The following CELF2 variants were observed in gnomAD, a reference collection of about 807,000 sequenced individuals.
The protein encoded by CELF2 is CUG triplet repeat RNA-binding protein 2.
Under a neutral mutation model 62.6 loss-of-function variants are expected in CELF2, and 8 were observed. The observed-to-expected ratio is 0.13, with a 90% CI of 0.07 to 0.23. The LOEUF (loss-of-function observed/expected upper bound fraction) is 0.23. Ranked by LOEUF, CELF2 falls within the 10% of genes least tolerant of loss-of-function variation. CELF2 has a pLI of 1.00. For missense variants in CELF2, 333 were observed against 671.0 expected (o/e 0.50, Z 5.56); for synonymous variants, 258 against 250.0 (o/e 1.03, Z -0.30).
the CELF2 span, among the ~76,000 whole-genome samples, chr10:10,504,369 A>G: frequency 2.6e-5 from 4 of 152,108 alleles, no homozygotes; most frequent in African/African-American, 7.2e-5. Context: ...TGTTTTCAGT[A>G]TCTGAAAAAT....
At chr10:10,817,798 A>G (rs1265417920) in intron 1 of CELF2, among the ~76,000 whole-genome samples, 1 of 152,202 alleles carries the variant, frequency 6.6e-6, no homozygotes, top group Non-Finnish European at 1.5e-5. Context: ...CAATAACATC[A>G]TTATGTCGTA....
At chr10:11,184,637 AG>A (rs374312755) in intron 2 of CELF2, among the ~76,000 whole-genome samples, 42 of 152,224 alleles carry the variant, frequency 2.8e-4, no homozygotes, top group African/African-American at 1.0e-3. Context: ...ATTTATCCCT[AG>A]GTGTTTTATA....
chr10:10,896,579 G>A (rs1235515922), intron 1 of CELF2, among the ~76,000 whole-genome samples: 1 of 151,818 alleles, frequency 6.6e-6, no homozygotes, highest in African/African-American at 2.4e-5. Flanking sequence ...GAGACACAGA[G>A]GCACAGACAA....
At chr10:11,259,791 A>C (rs2079935880) in intron 5 of CELF2, among the ~76,000 whole-genome samples, 1 of 152,252 alleles carries the variant, frequency 6.6e-6, no homozygotes, top group Admixed American at 6.5e-5. Flanking sequence ...CCACTTAAGC[A>C]GACAAGCCAG....
the CELF2 span, among the ~76,000 whole-genome samples, chr10:10,604,006 C>T: frequency 2.4e-3 from 365 of 152,152 alleles, no homozygotes; most frequent in Admixed American, 3.9e-3. Flanking sequence ...GTCAGCAGTT[C>T]GAGACCAGCC....
At chr10:10,812,030 C>T (rs971107259) in intron 1 of CELF2, among the ~76,000 whole-genome samples, 2 of 152,154 alleles carry the variant, frequency 1.3e-5, no homozygotes, top group South Asian at 2.1e-4. Flanking sequence ...TAATAATCCA[C>T]ATGCAGGGTC....
chr10:10,932,184 T>C (rs1447241900), intron 2 of CELF2, among the ~76,000 whole-genome samples: 1 of 152,108 alleles, frequency 6.6e-6, no homozygotes, highest in Non-Finnish European at 1.5e-5. Context: ...ATCCCTGCCC[T>C]TAAGAACCAA....
At chr10:11,060,695 G>A (rs190466931) in intron 1 of CELF2, among the ~76,000 whole-genome samples, 6 of 152,144 alleles carry the variant, frequency 3.9e-5, no homozygotes, top group East Asian at 3.9e-4. Context: ...TGAAATTGTC[G>A]GTGCCATTTC....
At chr10:11,029,387 C>A (rs2059761869) in intron 1 of CELF2, among the ~76,000 whole-genome samples, 1 of 152,190 alleles carries the variant, frequency 6.6e-6, no homozygotes, top group Non-Finnish European at 1.5e-5. Context: ...CTGCAAGTGA[C>A]TTGATGCCCT....
chr10:11,240,575 C>A (rs1325029272), intron 3 of CELF2, among the ~76,000 whole-genome samples: 3 of 152,158 alleles, frequency 2.0e-5, no homozygotes, highest in African/African-American at 4.8e-5. Flanking sequence ...GGCAAATTAG[C>A]CGGGGCTACA....
At chr10:11,183,761 A>G (rs1429218824) in intron 2 of CELF2, among the ~76,000 whole-genome samples, 1 of 152,092 alleles carries the variant, frequency 6.6e-6, no homozygotes, top group African/African-American at 2.4e-5. Flanking sequence ...TCTTTTGCTC[A>G]TTTTTTACTT....
intron 2 of CELF2, among the ~76,000 whole-genome samples, chr10:10,994,607 A>T (rs1342157296): frequency 6.6e-6 from 1 of 152,188 alleles, no homozygotes; most frequent in African/African-American, 2.4e-5. Flanking sequence ...TTCTTAAACG[A>T]GCACAAACCC....
chr10:11,165,751 C>A lies in CELF2; in HGVS notation c.271+69C>A. On this transcript the variant is annotated intron_variant, in intron 2 of 12. Coordinates refer to ENST00000633077, the MANE Select transcript of CELF2 (RefSeq NM_001326342.2). The surrounding 1 kb of genome is among the most constrained non-coding windows in gnomAD (Gnocchi z 7.4). ...TCGCGGGGCACTGGGGCTGTCCGAG[C>A]CCCCAGCCTGCAGGAGGAAGGGCGG... 2 of 1,413,788 alleles carry A rather than the reference C, an allele frequency of 1.4e-6. No homozygotes were observed. The highest frequency in any genetic ancestry group is 1.9e-6 in the Non-Finnish European group (2 of 1,046,748). The allele number at this position is 1,413,788 out of a possible 1,614,324, so 87.6% of individuals were successfully genotyped here. A position where few individuals can be genotyped will look rare whatever the true frequency, so the allele number is the denominator to read the frequency against.
At chr10:10,645,348 C>T in the CELF2 span, among the ~76,000 whole-genome samples, 5 of 152,148 alleles carry the variant, frequency 3.3e-5, no homozygotes, top group Non-Finnish European at 7.3e-5. Flanking sequence ...AAACCTTTGT[C>T]GCAATTGTGA....
At chr10:10,956,557 C>T (rs1329777510) in intron 2 of CELF2, among the ~76,000 whole-genome samples, 1 of 152,096 alleles carries the variant, frequency 6.6e-6, no homozygotes, top group African/African-American at 2.4e-5. Flanking sequence ...AACTTCTCTA[C>T]CATAGTGTTA....
chr10:10,853,840 G>A (rs2059544670), intron 1 of CELF2, among the ~76,000 whole-genome samples: 1 of 152,078 alleles, frequency 6.6e-6, no homozygotes, highest in Admixed American at 6.6e-5. Flanking sequence ...GAAAGGGGCA[G>A]AGGATGCCGG....
intron 1 of CELF2, among the ~76,000 whole-genome samples, chr10:11,123,634 A>G (rs957412620): frequency 5.3e-5 from 8 of 152,180 alleles, no homozygotes; most frequent in Non-Finnish European, 1.0e-4. Context: ...GCTGAACACC[A>G]TGTTGGGACA....
Position 11,334,870 on chromosome 10 carries a change from A to AAACTT in CELF2, c.*5820_*5824dup, listed in dbSNP as rs1458963143. On this transcript the variant is annotated 3_prime_UTR_variant, in exon 13 of 13. Transcript: ENST00000633077. The stretch of plus-strand genomic sequence containing the variant: ...ATCAACTTAGCCAGTGAAAAGGGTT[A>AAACTT]AACTTAAGTCTATTATTTGTTGCCC... 1.3e-5 allele frequency: 2 copies of AAACTT among 152,364 alleles called. No homozygotes were observed. Among genetic ancestry groups the AAACTT allele is most frequent in the South Asian group, 2.1e-4 (1 of 4,832 alleles). 9.4% of individuals were successfully genotyped at this position (152,364 alleles called of 1,614,324 possible).
At chr10:10,574,920 G>T in the CELF2 span, among the ~76,000 whole-genome samples, 7 of 130,352 alleles carry the variant, frequency 5.4e-5, no homozygotes, top group Admixed American at 3.7e-4. Flanking sequence ...GTTTCACCAT[G>T]TTGGCCAGGC....
Sources: gnomAD v4.1 joint callset for allele counts (sites outside exome capture counted in the v4.1 genomes callset) on GRCh38, gnomAD v4.1.1 for gene constraint, Gnocchi (gnomAD v3.1) non-coding constraint, MANE v1.5 for transcripts, NCBI Gene and HGNC (gene_info 2026-07-23, HGNC 2026-07-21) for gene names.